Variants in ZNF732 observed in about 807,000 individuals in gnomAD.
ZNF732 encodes zinc finger protein 732, also known as zinc finger protein LOC654254.
A neutral mutation model predicts 11.5 loss-of-function variants in ZNF732; 12 were observed. That is an observed-to-expected ratio of 1.05 (90% CI 0.67 to 1.70). ZNF732 has a LOEUF of 1.70. Among genes scored for constraint, ZNF732 ranks in the 40% most tolerant of loss-of-function variants. The pLI, the probability that ZNF732 is intolerant of heterozygous loss-of-function variation, is 0.00. For missense variants in ZNF732, 702 were observed against 676.9 expected, an observed-to-expected ratio of 1.04 and a Z score of -0.41; for synonymous variants, 231 against 236.5, an observed-to-expected ratio of 0.98 and a Z score of 0.21.
rs1719348652 is a variant in ZNF732, at chr4:271,255, C to T, written c.1602G>A (p.Glu534=). The change falls in exon 4 of 4, where the codon GAG becomes GAA. Residue 534 remains glutamate (E), a synonymous_variant. Coordinates refer to ENST00000419098, the MANE Select transcript of ZNF732 (RefSeq NM_001137608.3). ...TGGAACGTCTAAATGCTTTGCCACA[C>T]TCTTCACATCTATAAGGTTTCTCTC... ...HTGEKPYRCE[E]CGKAFRRSRV... 1.3e-6 allele frequency: 2 copies of T among 1,572,080 alleles called. No homozygotes were observed. The highest frequency in any genetic ancestry group is 2.3e-5 in the South Asian group (2 of 86,584).
intron 1 of ZNF732, 125 bp from the exon 2 acceptor site, chr4:296,280 A>C (rs782452390): frequency 9.0e-5 from 118 of 1,309,796 alleles, no homozygotes; most frequent in Non-Finnish European, 7.5e-5. Context: ...CAACACAGTA[A>C]TGTTCTCTAA....
At chr4:284,956 TAA>T (rs1173458832) in intron 3 of ZNF732, among the ~76,000 whole-genome samples, 2 of 145,982 alleles carry the variant, frequency 1.4e-5, no homozygotes, top group Non-Finnish European at 3.1e-5. Flanking sequence ...AATTTACATA[TAA>T]AAGTTTTCTA....
At chr4:297,623 A>AAC (rs1350708862) in intron 1 of ZNF732, among the ~76,000 whole-genome samples, 1 of 151,600 alleles carries the variant, frequency 6.6e-6, no homozygotes, top group Non-Finnish European at 1.5e-5. Flanking sequence ...AAAAAAAAAA[A>AAC]AAAAAAAAAC....
At chr4:292,110 G>A (rs1332768768) in intron 3 of ZNF732, among the ~76,000 whole-genome samples, 1 of 152,006 alleles carries the variant, frequency 6.6e-6, no homozygotes, top group African/African-American at 2.4e-5. Flanking sequence ...TAGAACTCCC[G>A]AAGAACATAT....
intron 1 of ZNF732, among the ~76,000 whole-genome samples, chr4:300,677 A>T (rs968066221): frequency 2.6e-5 from 4 of 152,160 alleles, no homozygotes; most frequent in African/African-American, 7.2e-5. Context: ...ATTTGGAACT[A>T]CATATTTAAG....
At chr4:276,128 T>C (rs1553838650) in intron 3 of ZNF732, among the ~76,000 whole-genome samples, 1 of 151,760 alleles carries the variant, frequency 6.6e-6, no homozygotes, top group Non-Finnish European at 1.5e-5. Context: ...AATATAGATT[T>C]ACAAATAAAT....
chr4:281,437 C>A (rs1719619466), intron 3 of ZNF732, among the ~76,000 whole-genome samples: 1 of 152,244 alleles, frequency 6.6e-6, no homozygotes, highest in Non-Finnish European at 1.5e-5. Context: ...AGGAGCCACA[C>A]CTGCTCACAT....
chr4:275,112 T>C (rs1719465433), intron 3 of ZNF732, among the ~76,000 whole-genome samples: 1 of 151,582 alleles, frequency 6.6e-6, no homozygotes, highest in African/African-American at 2.4e-5. Context: ...CCCTTCTCAA[T>C]ACCTCATACA....
intron 3 of ZNF732, among the ~76,000 whole-genome samples, chr4:274,592 A>C (rs797023155): frequency 2.0e-4 from 30 of 151,792 alleles, no homozygotes; most frequent in African/African-American, 7.2e-4. Flanking sequence ...TGACTGCAAA[A>C]ATTAAAAAAC....
chr4:305,244 C>A, intron 1 of ZNF732, 64 bp downstream of exon 1: 2 of 1,579,490 alleles, frequency 1.3e-6, no homozygotes, highest in Non-Finnish European at 1.7e-6. Flanking sequence ...GTCCCGCCGC[C>A]GCCATTTCCC....
chr4:287,358 G>T (rs1241964357), intron 3 of ZNF732, among the ~76,000 whole-genome samples: 1 of 151,600 alleles, frequency 6.6e-6, no homozygotes, highest in Admixed American at 6.6e-5. Flanking sequence ...GGGATTAGAG[G>T]TGTGTGCCAT....
rs527299742 is a variant in ZNF732, at chr4:304,572, C to A, written c.3+736G>T. Reference sequence around the variant, plus strand: ...CAGCGCTCTTCCCGCAGCTGCCCCCCCCCTGCAGACGGCAGTCCCTGCCTC... The same window carrying A: ...CAGCGCTCTTCCCGCAGCTGCCCCCACCCTGCAGACGGCAGTCCCTGCCTC... On this transcript the variant is annotated intron_variant, in intron 1 of 3. Coordinates refer to ENST00000419098, the MANE Select transcript of ZNF732 (RefSeq NM_001137608.3). 2.6e-3 allele frequency among the ~76,000 whole-genome samples: 401 copies of A among 152,262 alleles called. 1 individual carries two copies. The highest frequency in any genetic ancestry group is 9.0e-3 in the African/African-American group (376 of 41,568).
chr4:296,945 G>A (rs898192163), intron 1 of ZNF732, among the ~76,000 whole-genome samples: 1 of 152,160 alleles, frequency 6.6e-6, no homozygotes, highest in Non-Finnish European at 1.5e-5. Context: ...GCTGGAGATG[G>A]TGTCAATGTC....
chr4:293,940 A>G (rs1246279590), intron 3 of ZNF732, among the ~76,000 whole-genome samples: 1 of 152,360 alleles, frequency 6.6e-6, no homozygotes, highest in East Asian at 1.9e-4. Context: ...TAAATGAAGC[A>G]ATGTTACTAT....
At chr4:274,587 GCAAAAATTAAAAAA>G (rs1719455142) in intron 3 of ZNF732, among the ~76,000 whole-genome samples, 1 of 151,332 alleles carries the variant, frequency 6.6e-6, no homozygotes, top group Non-Finnish European at 1.5e-5. Context: ...GGGATTGACT[GCAAAAATTAAAAAA>G]CAAGATCCAA....
intron 1 of ZNF732, among the ~76,000 whole-genome samples, chr4:297,200 G>T (rs1719971898): frequency 2.0e-5 from 3 of 152,060 alleles, no homozygotes; most frequent in Non-Finnish European, 4.4e-5. Context: ...TCCGGGAGCT[G>T]GAGGTTGCAG....
intron 3 of ZNF732, among the ~76,000 whole-genome samples, chr4:273,544 AAATGAGAACATC>A (rs1355210721): frequency 6.6e-6 from 1 of 152,010 alleles, no homozygotes; most frequent in African/African-American, 2.4e-5. Flanking sequence ...GTAATCAGAA[AAATGAGAACATC>A]AATGAAAACA....
At chr4:297,327 A>G (rs981962705) in intron 1 of ZNF732, among the ~76,000 whole-genome samples, 1 of 151,992 alleles carries the variant, frequency 6.6e-6, no homozygotes, top group African/African-American at 2.4e-5. Context: ...TTTATGGAGC[A>G]TGTACTATGT....
intron 1 of ZNF732, among the ~76,000 whole-genome samples, chr4:304,629 CT>C (rs1292015841): frequency 6.6e-6 from 1 of 152,180 alleles, no homozygotes; most frequent in Non-Finnish European, 1.5e-5. Context: ...GAACGCCTGC[CT>C]ACAAACCAGG....
Sources: allele counts gnomAD v4.1 joint callset (sites outside exome capture counted in the v4.1 genomes callset), GRCh38; gene constraint gnomAD v4.1.1; transcripts MANE v1.5; gene names NCBI Gene and HGNC (gene_info 2026-07-23, HGNC 2026-07-21).